Variants in RASA2 observed in about 807,000 individuals in gnomAD.
RASA2 encodes the protein RAS p21 protein activator 2.
In RASA2, 155 loss-of-function variants were observed where a neutral mutation model predicts 118.2. The ratio of observed to expected loss-of-function variants is 1.31; its 90% CI spans 1.15 to 1.50. The LOEUF (loss-of-function observed/expected upper bound fraction) is 1.50. Ranked by LOEUF, RASA2 falls within the 40% of genes most tolerant of loss-of-function variation. The pLI, the probability that RASA2 is intolerant of heterozygous loss-of-function variation, is 0.00. For synonymous variants in RASA2, 353 were observed against 349.1 expected, an observed-to-expected ratio of 1.01 and a Z score of -0.12; for missense variants, 1,016 against 1,009.6, an observed-to-expected ratio of 1.01 and a Z score of -0.09.
At chr3:141,502,202 A>G (rs1178394273) in intron 1 of RASA2, among the ~76,000 whole-genome samples, 1 of 152,190 alleles carries the variant, frequency 6.6e-6, no homozygotes, top group Non-Finnish European at 1.5e-5. Flanking sequence ...GTATTAGAAC[A>G]TTATGTCCTG....
chr3:141,573,056 A>G (rs529667686), intron 12 of RASA2, 91 bp from the exon 13 acceptor site: 6 of 1,136,598 alleles, frequency 5.3e-6, no homozygotes, highest in East Asian at 2.9e-5. Flanking sequence ...TTAAATTTCT[A>G]TAATTAACTT....
chr3:141,572,336 C>G (rs1272749577), intron 11 of RASA2, among the ~76,000 whole-genome samples: 1 of 152,094 alleles, frequency 6.6e-6, no homozygotes, highest in African/African-American at 2.4e-5. Context: ...AAGCGATCCA[C>G]CTGCTTCGGA....
chr3:141,589,399 A>G (rs537902394), intron 19 of RASA2, among the ~76,000 whole-genome samples: 1 of 152,340 alleles, frequency 6.6e-6, no homozygotes, highest in Non-Finnish European at 1.5e-5. Context: ...AGAATTAGAT[A>G]GCTATGGACC....
intron 3 of RASA2, among the ~76,000 whole-genome samples, chr3:141,522,480 G>A (rs182293072): frequency 5.8e-4 from 89 of 152,212 alleles, no homozygotes; most frequent in Middle Eastern, 3.4e-3. Flanking sequence ...GCTGGTGCTC[G>A]GGAGGTGCAA....
At chr3:141,552,916 T>C (rs1423180873) in intron 5 of RASA2, among the ~76,000 whole-genome samples, 1 of 152,210 alleles carries the variant, frequency 6.6e-6, no homozygotes, top group Non-Finnish European at 1.5e-5. Context: ...TGCAGACCCT[T>C]AGACATTAAA....
rs548063424 is a variant in RASA2 at position 141,559,963 on chromosome 3, C to G, written c.831C>G (p.Asn277Lys). 9.8e-5 allele frequency: 158 copies of G among 1,612,990 alleles called. No individual in the cohort carries two copies. The highest frequency in any genetic ancestry group is 1.3e-4 in the Non-Finnish European group (156 of 1,179,306). ...TAGGTGAGATTAAGGTTCCTGTGAACGTATTAAGAACTGATTCCTCTCATC... is the reference window on the plus strand; with the variant it reads ...TAGGTGAGATTAAGGTTCCTGTGAAGGTATTAAGAACTGATTCCTCTCATC... ...VFLGEIKVPV[N>K]VLRTDSSHQA... is the part of the protein sequence containing the mutation. The change falls in exon 9 of 24, where the codon AAC becomes AAG. Residue 277 changes from asparagine to lysine, a missense_variant. This residue lies in a region of RASA2 where 896 missense variants were observed against 836.4 expected (regional missense o/e 1.07). Transcript: ENST00000286364.
intron 9 of RASA2, among the ~76,000 whole-genome samples, chr3:141,570,580 A>T (rs556806864): frequency 7.9e-5 from 12 of 152,330 alleles, no homozygotes; most frequent in African/African-American, 2.9e-4. Context: ...TTTATTTTTG[A>T]TAATACATTG....
At chr3:141,576,086 T>C (rs75316469) in intron 14 of RASA2, among the ~76,000 whole-genome samples, 4,079 of 152,330 alleles carry the variant, frequency 0.027, 191 homozygotes, top group African/African-American at 0.094. Context: ...CAACACTTTA[T>C]GTTTTTATAT....
At chr3:141,601,259 T>G (rs2083458113) in intron 19 of RASA2, among the ~76,000 whole-genome samples, 1 of 152,108 alleles carries the variant, frequency 6.6e-6, no homozygotes, top group Non-Finnish European at 1.5e-5. Context: ...AAACCCCGTT[T>G]GTATTAAAAA....
intron 5 of RASA2, among the ~76,000 whole-genome samples, chr3:141,541,183 G>T (rs2082400170): frequency 6.6e-6 from 1 of 152,094 alleles, no homozygotes; most frequent in Non-Finnish European, 1.5e-5. Flanking sequence ...TCTTCTGGGT[G>T]TTTTCCTCTA....
At chr3:141,555,059 C>G (rs958786296) in intron 6 of RASA2, among the ~76,000 whole-genome samples, 2 of 151,966 alleles carry the variant, frequency 1.3e-5, no homozygotes, top group Non-Finnish European at 2.9e-5. Context: ...GTCAGGAGTT[C>G]GAGATCAGCC....
At chr3:141,506,686 G>T (rs1422074894) in intron 1 of RASA2, among the ~76,000 whole-genome samples, 1 of 151,540 alleles carries the variant, frequency 6.6e-6, no homozygotes, top group Admixed American at 6.6e-5. Context: ...GCCAAGGCAG[G>T]CAGATCTCTT....
chr3:141,542,131 T>G (rs1176840830), intron 5 of RASA2, among the ~76,000 whole-genome samples: 10 of 151,808 alleles, frequency 6.6e-5, no homozygotes, highest in Admixed American at 6.6e-4. Flanking sequence ...TTGCATGATT[T>G]CAAAAATCAA....
chr3:141,532,316 A>T (rs1178071046), intron 4 of RASA2, among the ~76,000 whole-genome samples: 1 of 151,546 alleles, frequency 6.6e-6, no homozygotes, highest in Non-Finnish European at 1.5e-5. Flanking sequence ...ATTAGTCATT[A>T]AAAAAAATAG....
chr3:141,598,477 T>C (rs1293092693), intron 19 of RASA2, among the ~76,000 whole-genome samples: 1 of 152,222 alleles, frequency 6.6e-6, no homozygotes, highest in Admixed American at 6.5e-5. Context: ...CAAAAGTGTA[T>C]GTAAGAAATT....
intron 1 of RASA2, among the ~76,000 whole-genome samples, chr3:141,508,029 T>C (rs1439766741): frequency 6.6e-6 from 1 of 152,140 alleles, no homozygotes; most frequent in Non-Finnish European, 1.5e-5. Flanking sequence ...AAACGGGCTA[T>C]AGATAAGTTG....
At chr3:141,605,900 G>T (rs879587808) in intron 19 of RASA2, among the ~76,000 whole-genome samples, 4 of 152,108 alleles carry the variant, frequency 2.6e-5, no homozygotes, top group Admixed American at 2.6e-4. Context: ...TTGTCTTCTG[G>T]TGTGGGTATT....
chr3:141,558,944 T>C lies in RASA2; in HGVS notation c.743T>C (p.Ile248Thr). ...CAGTTCCAGGTAGAAGAGGAGGACATTGAAAAGCTAGAAATCAGGTATGTG... is the reference window on the plus strand; with the variant it reads ...CAGTTCCAGGTAGAAGAGGAGGACACTGAAAAGCTAGAAATCAGGTATGTG... ...KSQFQVEEEDIEKLEIRIDLW... is the reference protein window; with the variant it reads ...KSQFQVEEEDTEKLEIRIDLW... The change falls in exon 8 of 24, where the codon ATT becomes ACT. Residue 248 changes from isoleucine (I) to threonine (T), a missense_variant. Ile to Thr is a moderately conservative substitution (Grantham distance 89). This residue lies in a region of RASA2 where 896 missense variants were observed against 836.4 expected (regional missense o/e 1.07). Coordinates refer to ENST00000286364, the MANE Select transcript of RASA2 (RefSeq NM_006506.5). The C allele has an allele frequency of 2.5e-6, 4 of 1,605,972 alleles. No individual in the cohort carries two copies. The highest frequency in any genetic ancestry group is 2.6e-6 in the Non-Finnish European group (3 of 1,173,312).
intron 11 of RASA2, 150 bp from the exon 12 acceptor site, chr3:141,572,459 A>G: frequency 1.8e-6 from 1 of 557,020 alleles, no homozygotes; most frequent in South Asian, 2.0e-5. Context: ...TAAATGGTAA[A>G]AATTACTAAA....
Sources: allele counts gnomAD v4.1 joint callset (sites outside exome capture counted in the v4.1 genomes callset), GRCh38; gene constraint gnomAD v4.1.1; regional missense constraint gnomAD v4.1.1; transcripts MANE v1.5; gene names NCBI Gene and HGNC (gene_info 2026-07-23, HGNC 2026-07-21).